LRRC9: variants seen among roughly 807,000 people sequenced by gnomAD.
LRRC9 encodes the protein leucine rich repeat containing 9.
Under a neutral mutation model 63.2 loss-of-function variants are expected in LRRC9, and 122 were observed. The observed-to-expected ratio is 1.93, with a 90% CI of 1.67 to 2.24. LRRC9 has a LOEUF of 2.24. Among genes scored for constraint, LRRC9 ranks in the 30% most tolerant of loss-of-function variants. The probability of loss-of-function intolerance (pLI) is 0.00; values close to 1 mark genes in which losing one functional copy is unlikely to be tolerated. For synonymous variants in LRRC9, 366 were observed against 213.1 expected (o/e 1.72, Z -6.25); for missense variants, 1,071 against 627.7 (o/e 1.71, Z -7.55).
In LRRC9 at chr14:60,035,897, T is replaced by C. The variant is rs80137052; in HGVS notation, c.3990+3834T>C. 3.4e-3 allele frequency among the ~76,000 whole-genome samples: 516 copies of C among 152,310 alleles called. 18 individuals carry two copies. In the East Asian group the frequency reaches 0.057, roughly 17 times the overall value. ...ATATTGATAGGGATTGCACTGAATA[T>C]GTAAATTGCTCTGGGTAGTATTGTC... On this transcript the variant is annotated intron_variant, in intron 29 of 31. Transcript: ENST00000445360.
intron 26 of LRRC9, 95 bp downstream of exon 26, chr14:60,019,355 C>A: frequency 4.1e-6 from 2 of 490,674 alleles, no homozygotes; most frequent in South Asian, 3.5e-5. Flanking sequence ...CATTCCAGTA[C>A]ATAAAATTTA....
downstream of LRRC9, among the ~76,000 whole-genome samples, chr14:60,066,793 G>A (rs1288519934): frequency 6.6e-6 from 1 of 151,950 alleles, no homozygotes; most frequent in Non-Finnish European, 1.5e-5. Context: ...TCTTTCCATT[G>A]TGAATAAAAT....
chr14:59,961,425 T>A (rs905736594), intron 10 of LRRC9, among the ~76,000 whole-genome samples: 1 of 152,152 alleles, frequency 6.6e-6, no homozygotes. Flanking sequence ...ATTCTGAATA[T>A]TGGTTGAGAA....
In LRRC9 at chr14:59,923,689, C is replaced by A. The variant is rs1888962535; in HGVS notation, c.-34+3806C>A. Among the ~76,000 whole-genome samples, 1 of 152,170 alleles carries A rather than the reference C, an allele frequency of 6.6e-6. No homozygotes were observed. The highest frequency in any genetic ancestry group is 2.4e-5 in the African/African-American group (1 of 41,436). ...GCTCACGCCTGTAGGCTCACGCCTC[C>A]CAGCACTCTGGGAAGCTGAGGTGGG... On this transcript the variant is annotated intron_variant, in intron 1 of 31. Coordinates refer to ENST00000445360, the Ensembl canonical transcript of LRRC9. The surrounding 1 kb of genome is among the most constrained non-coding windows in gnomAD (Gnocchi z 4.2).
intron 1 of LRRC9, among the ~76,000 whole-genome samples, chr14:59,924,350 G>A (rs1889026549): frequency 6.6e-6 from 1 of 152,152 alleles, no homozygotes; most frequent in East Asian, 1.9e-4. Flanking sequence ...GGCCTTTGAT[G>A]GAGCTTCCAA....
chr14:60,063,091 C>T (rs996356929), intron 31 of LRRC9, among the ~76,000 whole-genome samples: 1 of 152,082 alleles, frequency 6.6e-6, no homozygotes, highest in African/African-American at 2.4e-5. Flanking sequence ...GGCAGGGTTT[C>T]ACCATGTTGG....
chr14:59,956,900 C>T (rs1337086684), intron 8 of LRRC9, among the ~76,000 whole-genome samples: 1 of 152,160 alleles, frequency 6.6e-6, no homozygotes, highest in African/African-American at 2.4e-5. Context: ...CTTAGTTTGG[C>T]TGGATACAAA....
chr14:59,952,880 C>T (rs535980719), intron 8 of LRRC9, among the ~76,000 whole-genome samples: 3 of 152,274 alleles, frequency 2.0e-5, no homozygotes, highest in African/African-American at 7.2e-5. Flanking sequence ...CATTGTTCAG[C>T]TCCCACTTGT....
At chr14:59,946,973 G>T (rs1370576012) in intron 8 of LRRC9, among the ~76,000 whole-genome samples, 1 of 143,314 alleles carries the variant, frequency 7.0e-6, no homozygotes, top group Non-Finnish European at 1.5e-5. Context: ...ACATACGTGT[G>T]CATGTGTCTT....
chr14:60,065,127 A>G (rs1894853422), downstream of LRRC9, among the ~76,000 whole-genome samples: 1 of 152,134 alleles, frequency 6.6e-6, no homozygotes, highest in Non-Finnish European at 1.5e-5. Context: ...CACATCTGTA[A>G]TCCCAGCACT....
At position 59,949,569 on chromosome 14, in the gene LRRC9, C is replaced by G. The variant is rs1882873647; in HGVS notation, c.882+4825C>G. 2.0e-5 allele frequency among the ~76,000 whole-genome samples: 3 copies of G among 148,380 alleles called. No homozygotes were observed. The South Asian group carries it at 6.4e-4, about 32-fold the overall frequency. On this transcript the variant is annotated intron_variant, in intron 8 of 31. Coordinates refer to ENST00000445360, the Ensembl canonical transcript of LRRC9. ...CTGCTAGCTTTTGAATGTGTTTGCTCTTGCTTTTAATTGTGATGTTAGGGT... is the reference window on the plus strand; with the variant it reads ...CTGCTAGCTTTTGAATGTGTTTGCTGTTGCTTTTAATTGTGATGTTAGGGT...
rs1179125264 is a variant in LRRC9 at position 59,962,354 on chromosome 14, A to G, written c.1211+1309A>G. Among the ~76,000 whole-genome samples the G allele has an allele frequency of 6.6e-6, 1 of 152,116 alleles. No homozygotes were observed. The highest frequency in any genetic ancestry group is 1.5e-5 in the Non-Finnish European group (1 of 68,010). Reference sequence around the variant, plus strand: ...AGGCCTTGATTTTTCAAGTGCAAAAACTGAATGGTGTGTCTCTACTGGGTG... The same window carrying G: ...AGGCCTTGATTTTTCAAGTGCAAAAGCTGAATGGTGTGTCTCTACTGGGTG... On this transcript the variant is annotated intron_variant, in intron 10 of 31. Transcript: ENST00000445360. This position sits in a 1 kb window ranked among gnomAD's most constrained non-coding sequence, Gnocchi z 5.1.
At chr14:60,005,343 G>C (rs2140224589) in intron 21 of LRRC9, among the ~76,000 whole-genome samples, 2 of 152,074 alleles carry the variant, frequency 1.3e-5, no homozygotes, top group East Asian at 3.9e-4. Context: ...CATACAACTG[G>C]ATATTAGTTT....
At position 60,058,238 on chromosome 14, in the gene LRRC9, C is replaced by A. The variant is rs994684686; in HGVS notation, c.4276+216C>A. Among the ~76,000 whole-genome samples, 1 of 152,056 alleles carries A rather than the reference C, an allele frequency of 6.6e-6. No homozygotes were observed. Among genetic ancestry groups the A allele is most frequent in the Non-Finnish European group, 1.5e-5 (1 of 67,984 alleles). The stretch of plus-strand genomic sequence containing the variant: ...AGCTTTTTTTGTACTCAGCTACTAG[C>A]ATGTTGTGACTAAACATTTGCTCAC... On this transcript the variant is annotated intron_variant, in intron 31 of 31. Coordinates refer to ENST00000445360, the Ensembl canonical transcript of LRRC9. This position sits in a 1 kb window ranked among gnomAD's most constrained non-coding sequence, Gnocchi z 4.4.
chr14:60,061,969 T>C (rs1894683373), intron 31 of LRRC9, 42 bp from the exon 32 acceptor site: 2 of 398,412 alleles, frequency 5.0e-6, no homozygotes, highest in African/African-American at 4.1e-5. Flanking sequence ...TTCTCATTGT[T>C]TCATAATTTT....
At chr14:59,926,401 A>C (rs1393208663) in intron 1 of LRRC9, among the ~76,000 whole-genome samples, 1 of 152,180 alleles carries the variant, frequency 6.6e-6, no homozygotes, top group Non-Finnish European at 1.5e-5. Context: ...ATATGCCAGC[A>C]CATGTACATA....
intron 7 of LRRC9, among the ~76,000 whole-genome samples, chr14:59,943,840 T>C (rs1882051623): frequency 6.6e-6 from 1 of 152,070 alleles, no homozygotes; most frequent in Non-Finnish European, 1.5e-5. Flanking sequence ...AATATATGTC[T>C]AAGAGTGTAA....
rs1438350418 is a variant in LRRC9 at position 60,017,663 on chromosome 14, G to A, written c.3318-708G>A. On this transcript the variant is annotated intron_variant, in intron 24 of 31. Coordinates refer to ENST00000445360, the Ensembl canonical transcript of LRRC9. This position sits in a 1 kb window ranked among gnomAD's most constrained non-coding sequence, Gnocchi z 4.0. ...ACTTAGGAAATACTAATGGAAATAT[G>A]TTGACTGAATGAATGACTTATTAGT... Among the ~76,000 whole-genome samples the A allele has an allele frequency of 1.3e-5, 2 of 152,080 alleles. No individual in the cohort carries two copies. The highest frequency in any genetic ancestry group is 2.9e-5 in the Non-Finnish European group (2 of 67,990).
intron 12 of LRRC9, among the ~76,000 whole-genome samples, chr14:59,968,372 C>T (rs529028303): frequency 6.2e-4 from 94 of 152,274 alleles, no homozygotes; most frequent in South Asian, 1.2e-3. Flanking sequence ...TGCACAACAA[C>T]GTGAATGTAC....
Sources: gnomAD v4.1 joint callset for allele counts (sites outside exome capture counted in the v4.1 genomes callset) on GRCh38, gnomAD v4.1.1 for gene constraint, Gnocchi (gnomAD v3.1) non-coding constraint, MANE v1.5 for transcripts, NCBI Gene and HGNC (gene_info 2026-07-23, HGNC 2026-07-21) for gene names.